Variants in KPNA5 observed in about 807,000 individuals in gnomAD.
KPNA5 encodes the protein importin subunit alpha-6.
KPNA5 carries 46 observed loss-of-function variants against 71.3 expected under a neutral mutation model. The ratio of observed to expected loss-of-function variants is 0.65; its 90% CI spans 0.51 to 0.83. KPNA5 has a LOEUF of 0.83. Among genes scored for constraint, KPNA5 ranks in the 40% least tolerant of loss-of-function variants. The probability of loss-of-function intolerance (pLI) is 0.00; values close to 1 mark genes in which losing one functional copy is unlikely to be tolerated. For synonymous variants in KPNA5, 207 were observed against 201.4 expected (o/e 1.03, Z -0.24); for missense variants, 547 against 628.3 (o/e 0.87, Z 1.38).
chr6:116,723,326 G>C (rs1779184815), intron 9 of KPNA5, among the ~76,000 whole-genome samples: 1 of 152,122 alleles, frequency 6.6e-6, no homozygotes, highest in African/African-American at 2.4e-5. Flanking sequence ...GTGTAGGTAT[G>C]TGTGTGTGCA....
intron 4 of KPNA5, among the ~76,000 whole-genome samples, chr6:116,696,293 A>T (rs1232178943): frequency 6.6e-6 from 1 of 152,190 alleles, no homozygotes; most frequent in Non-Finnish European, 1.5e-5. Context: ...TGCCACATCT[A>T]TCAGGCCTAG....
intron 1 of KPNA5, among the ~76,000 whole-genome samples, chr6:116,683,367 T>G (rs1777432576): frequency 6.6e-6 from 1 of 152,314 alleles, no homozygotes; most frequent in Non-Finnish European, 1.5e-5. Context: ...ATAAATACTT[T>G]AAGAGTTTTA....
At chr6:116,699,945 G>T (rs1778166954) in intron 5 of KPNA5, among the ~76,000 whole-genome samples, 1 of 152,138 alleles carries the variant, frequency 6.6e-6, no homozygotes, top group African/African-American at 2.4e-5. Context: ...GGGAAAGACA[G>T]ACATAAAAAA....
At position 116,726,496 on chromosome 6, in the gene KPNA5, C is replaced by A. The variant is rs761061078; in HGVS notation, c.1127C>A (p.Ala376Asp). 8.1e-6 allele frequency: 13 copies of A among 1,609,560 alleles called. No individual in the cohort carries two copies. The highest frequency in any genetic ancestry group is 1.1e-5 in the Non-Finnish European group (13 of 1,177,024). ...ATTATATATTTTTCCCCCTCTCAGG[C>A]TGTTATAGATGCAAATATTTTTCCT... The part of the protein sequence containing the change: ...ITAGNRAQIQ[A>D]VIDANIFPVL... The change falls in exon 12 of 14, where the codon GCT (alanine) becomes GAT (aspartate). Residue 376 changes from alanine to aspartate, a missense_variant and splice_region_variant. Ala to Asp is a moderately radical substitution (Grantham distance 126). Coordinates refer to ENST00000368564, the MANE Select transcript of KPNA5 (RefSeq NM_001366306.2).
intron 7 of KPNA5, among the ~76,000 whole-genome samples, chr6:116,715,776 C>T (rs1298723340): frequency 1.3e-5 from 2 of 151,856 alleles, no homozygotes; most frequent in East Asian, 3.9e-4. Flanking sequence ...ATTATCCAGG[C>T]GTGGTGGCAG....
rs540651346 is a variant in KPNA5 at position 116,694,576 on chromosome 6, C to T, written c.340+2184C>T. On this transcript the variant is annotated intron_variant, in intron 4 of 13. Transcript: ENST00000368564. ...TGTATAAGAATGCTTGTGATTTTTGCACATTGATTTTGTATCCTGAGAGTT... is the reference window on the plus strand; with the variant it reads ...TGTATAAGAATGCTTGTGATTTTTGTACATTGATTTTGTATCCTGAGAGTT... Among the ~76,000 whole-genome samples the T allele has an allele frequency of 1.6e-4, 24 of 152,158 alleles. No individual in the cohort carries two copies. The South Asian group carries it at 2.5e-3, about 16-fold the overall frequency.
At chr6:116,699,215 AT>A (rs1298523177) in intron 5 of KPNA5, among the ~76,000 whole-genome samples, 1 of 152,050 alleles carries the variant, frequency 6.6e-6, no homozygotes, top group Non-Finnish European at 1.5e-5. Context: ...ATTATTTAGT[AT>A]TATCTAGTAG....
intron 7 of KPNA5, among the ~76,000 whole-genome samples, chr6:116,707,153 G>A (rs1159289562): frequency 7.9e-5 from 12 of 151,458 alleles, no homozygotes; most frequent in African/African-American, 2.7e-4. Context: ...GACAGAGCGA[G>A]AGACTGTCTC....
chr6:116,692,428 C>T (rs753179580), intron 4 of KPNA5, 36 bp downstream of exon 4: 27 of 1,312,616 alleles, frequency 2.1e-5, no homozygotes, highest in Non-Finnish European at 5.4e-6. Context: ...TTTGATATTA[C>T]ACGATTTTTT....
chr6:116,727,420 A>G (rs1488366625), intron 12 of KPNA5, among the ~76,000 whole-genome samples: 1 of 152,086 alleles, frequency 6.6e-6, no homozygotes, highest in Non-Finnish European at 1.5e-5. Flanking sequence ...AAATAATGCA[A>G]ATTTAAAAAC....
At chr6:116,710,983 C>T (rs2114447589) in intron 7 of KPNA5, among the ~76,000 whole-genome samples, 1 of 148,642 alleles carries the variant, frequency 6.7e-6, no homozygotes, top group African/African-American at 2.5e-5. Context: ...CACACTCTGC[C>T]TCCCGGGTTC....
At chr6:116,684,918 C>A (rs958510086) in intron 1 of KPNA5, among the ~76,000 whole-genome samples, 1 of 152,198 alleles carries the variant, frequency 6.6e-6, no homozygotes, top group Non-Finnish European at 1.5e-5. Flanking sequence ...CTGGAACTCT[C>A]ATACATTACT....
intron 11 of KPNA5, among the ~76,000 whole-genome samples, 185 bp downstream of exon 11, chr6:116,726,061 A>AGTGTGTGT (rs58131077): frequency 0.017 from 2,540 of 150,656 alleles, 64 homozygotes; most frequent in South Asian, 0.053. Context: ...AAGAACATCA[A>AGTGTGTGT]GTGTGTGTGT....
chr6:116,686,591 A>G (rs955593417), intron 1 of KPNA5, among the ~76,000 whole-genome samples: 1 of 151,916 alleles, frequency 6.6e-6, no homozygotes, highest in Non-Finnish European at 1.5e-5. Flanking sequence ...TTGTTGCAAT[A>G]GCCCCTTCGT....
At position 116,739,090 on chromosome 6, in the gene KPNA5, T is replaced by C. The variant is rs552227140; in HGVS notation, c.*6767T>C. On this transcript the variant is annotated 3_prime_UTR_variant, in exon 14 of 14. Coordinates refer to ENST00000368564, the MANE Select transcript of KPNA5 (RefSeq NM_001366306.2). ...CCTGTTTGCAGATGACATGATTGTA[T>C]ATCTAGAAAACCCCATTGTCTAAGC... The C allele has an allele frequency of 9.7e-4, 147 of 152,282 alleles. 1 individual carries two copies. Among genetic ancestry groups the C allele is most frequent in the African/African-American group, 3.4e-3 (142 of 41,556 alleles). 9.4% of individuals were successfully genotyped at this position (152,282 alleles called of 1,614,324 possible). A position where few individuals can be genotyped will look rare whatever the true frequency, so the allele number is the denominator to read the frequency against.
intron 4 of KPNA5, among the ~76,000 whole-genome samples, chr6:116,693,421 C>T (rs772064782): frequency 3.9e-5 from 6 of 152,108 alleles, no homozygotes; most frequent in Non-Finnish European, 7.4e-5. Flanking sequence ...TTTTAATGAT[C>T]GCCATTCTAA....
At chr6:116,681,633 C>T (rs1343815903) in intron 1 of KPNA5, 6 of 907,460 alleles carry the variant, frequency 6.6e-6, no homozygotes, top group South Asian at 4.2e-5. Flanking sequence ...CACCGTTTCT[C>T]GGTAGTTCTT....
intron 1 of KPNA5, among the ~76,000 whole-genome samples, chr6:116,682,213 C>T (rs1295314927): frequency 3.3e-5 from 5 of 152,218 alleles, no homozygotes; most frequent in African/African-American, 9.6e-5. Context: ...CCTGTAGTCC[C>T]AGCGACTCGG....
At chr6:116,712,997 T>C (rs1206547763) in intron 7 of KPNA5, among the ~76,000 whole-genome samples, 2 of 152,214 alleles carry the variant, frequency 1.3e-5, no homozygotes, top group African/African-American at 4.8e-5. Context: ...TAAGTTGTTA[T>C]TGCCACAAAT....
Sources: gnomAD v4.1 joint callset for allele counts (sites outside exome capture counted in the v4.1 genomes callset) on GRCh38, gnomAD v4.1.1 for gene constraint, MANE v1.5 for transcripts, NCBI Gene and HGNC (gene_info 2026-07-23, HGNC 2026-07-21) for gene names.